Variants in NALF1 observed in about 807,000 individuals in gnomAD.
NALF1 encodes the protein family with sequence similarity 155 member A.
A neutral mutation model predicts 48.4 loss-of-function variants in NALF1; 3 were observed. That is an observed-to-expected ratio of 0.06 (90% CI 0.03 to 0.16). The LOEUF (loss-of-function observed/expected upper bound fraction) is 0.16, where lower values mean the gene tolerates loss of function less well. NALF1 is among the 10% of genes least tolerant of loss of function. The pLI, the probability that NALF1 is intolerant of heterozygous loss-of-function variation, is 1.00. For synonymous variants in NALF1, 262 were observed against 245.7 expected (o/e 1.07, Z -0.62); for missense variants, 526 against 571.5 (o/e 0.92, Z 0.81).
intron 1 of NALF1, among the ~76,000 whole-genome samples, chr13:107,553,213 T>C (rs888473432): frequency 1.3e-5 from 2 of 152,184 alleles, no homozygotes; most frequent in Non-Finnish European, 2.9e-5. Context: ...CATTGCTAAA[T>C]CTTTTCATAA....
At chr13:107,432,492 C>T (rs1884398626) in intron 1 of NALF1, among the ~76,000 whole-genome samples, 1 of 152,148 alleles carries the variant, frequency 6.6e-6, no homozygotes, top group Non-Finnish European at 1.5e-5. Context: ...AAAAAACTGT[C>T]AGAGTCTCCA....
intron 1 of NALF1, among the ~76,000 whole-genome samples, chr13:107,547,078 T>G (rs2139125174): frequency 6.6e-6 from 1 of 152,340 alleles, no homozygotes; most frequent in Admixed American, 6.5e-5. Flanking sequence ...AACATCTTTG[T>G]TCAATGCCTG....
chr13:107,737,150 G>C (rs1295555272), intron 1 of NALF1, among the ~76,000 whole-genome samples: 1 of 152,156 alleles, frequency 6.6e-6, no homozygotes, highest in Non-Finnish European at 1.5e-5. Context: ...AGCTGCATGA[G>C]TATAGGATAG....
At position 107,362,685 on chromosome 13, in the gene NALF1, T is replaced by TG. The variant is rs145875379; in HGVS notation, c.916-151931dup. Among the ~76,000 whole-genome samples the TG allele has an allele frequency of 0.043, 6,531 of 152,134 alleles. 440 individuals are homozygous for TG. Among genetic ancestry groups the TG allele is most frequent in the African/African-American group, 0.15 (6,198 of 41,462 alleles). ...GAGTTAGGACCTCAACATATTTTGC[T>TG]GGGGGGACACAATTCTACCACCGAC... On this transcript the variant is annotated intron_variant, in intron 1 of 2. Transcript: ENST00000375915. This position sits in a 1 kb window ranked among gnomAD's most constrained non-coding sequence, Gnocchi z 4.6.
intron 2 of NALF1, among the ~76,000 whole-genome samples, chr13:107,201,461 C>G (rs962276483): frequency 6.6e-6 from 1 of 152,114 alleles, no homozygotes; most frequent in Non-Finnish European, 1.5e-5. Context: ...CCTGTAGTCC[C>G]AGCTACTCGG....
intron 1 of NALF1, among the ~76,000 whole-genome samples, chr13:107,786,893 A>T (rs931346247): frequency 1.3e-5 from 2 of 152,320 alleles, no homozygotes; most frequent in Admixed American, 6.5e-5. Context: ...CACTTCTAGG[A>T]GCTGAGAGCG....
chr13:107,506,450 T>G (rs1875698007), intron 1 of NALF1, among the ~76,000 whole-genome samples: 1 of 152,136 alleles, frequency 6.6e-6, no homozygotes, highest in African/African-American at 2.4e-5. Flanking sequence ...AAGTGTACAA[T>G]TCAAAGGTTT....
intron 1 of NALF1, among the ~76,000 whole-genome samples, chr13:107,537,889 A>ATAC (rs1876881538): frequency 6.6e-6 from 1 of 152,060 alleles, no homozygotes; most frequent in Non-Finnish European, 1.5e-5. Context: ...ATGGTGGCAC[A>ATAC]TACCTGTAAT....
chr13:107,371,670 T>C (rs556690875), intron 1 of NALF1, among the ~76,000 whole-genome samples: 178 of 152,278 alleles, frequency 1.2e-3, no homozygotes, highest in Admixed American at 2.0e-3. Context: ...TCATTGAGGT[T>C]GCTATTTTAC....
At chr13:107,218,338 A>C (rs1879919193) in intron 1 of NALF1, among the ~76,000 whole-genome samples, 1 of 152,216 alleles carries the variant, frequency 6.6e-6, no homozygotes, top group Non-Finnish European at 1.5e-5. Flanking sequence ...AATGAAGGCC[A>C]AGCTTTGTGC....
At chr13:107,250,627 A>G (rs1057097273) in intron 1 of NALF1, among the ~76,000 whole-genome samples, 5 of 152,186 alleles carry the variant, frequency 3.3e-5, no homozygotes, top group Non-Finnish European at 7.3e-5. Flanking sequence ...TATATTCTTC[A>G]TCAGTTTCGG....
intron 1 of NALF1, among the ~76,000 whole-genome samples, chr13:107,440,577 G>A (rs1193760955): frequency 6.6e-6 from 1 of 152,156 alleles, no homozygotes; most frequent in Non-Finnish European, 1.5e-5. Flanking sequence ...TGTTCTCTGA[G>A]TGAGTAGTAG....
chr13:107,603,509 T>C (rs1878988294), intron 1 of NALF1, among the ~76,000 whole-genome samples: 1 of 152,226 alleles, frequency 6.6e-6, no homozygotes, highest in Admixed American at 6.5e-5. Context: ...ACAGGCTTAT[T>C]TTTAATATAC....
intron 1 of NALF1, among the ~76,000 whole-genome samples, chr13:107,691,865 T>G (rs953688602): frequency 1.1e-4 from 16 of 152,360 alleles, no homozygotes; most frequent in Middle Eastern, 3.4e-3. Flanking sequence ...GATGTATGTT[T>G]TCTTAAAAAC....
chr13:107,507,424 T>C (rs1392975102), intron 1 of NALF1, among the ~76,000 whole-genome samples: 1 of 151,870 alleles, frequency 6.6e-6, no homozygotes, highest in Non-Finnish European at 1.5e-5. Flanking sequence ...AGCTTTTTTT[T>C]GTTTGTTTTT....
intron 1 of NALF1, among the ~76,000 whole-genome samples, chr13:107,565,126 C>T (rs1251253889): frequency 3.9e-5 from 2 of 51,494 alleles, no homozygotes; most frequent in Non-Finnish European, 8.6e-5. Flanking sequence ...CAGACATAAA[C>T]AACCATTATA....
intron 1 of NALF1, among the ~76,000 whole-genome samples, chr13:107,617,476 T>A (rs1363959939): frequency 6.6e-6 from 1 of 152,188 alleles, no homozygotes; most frequent in Non-Finnish European, 1.5e-5. Flanking sequence ...TAAAGAAGCT[T>A]ATTGAAGATT....
chr13:107,751,184 C>A (rs1483407274), intron 1 of NALF1, among the ~76,000 whole-genome samples: 3 of 152,178 alleles, frequency 2.0e-5, no homozygotes, highest in African/African-American at 7.2e-5. Flanking sequence ...ACCTGCCTTA[C>A]CCTTTTTGGA....
intron 1 of NALF1, among the ~76,000 whole-genome samples, chr13:107,250,218 C>A (rs1880670798): frequency 6.6e-6 from 1 of 151,672 alleles, no homozygotes; most frequent in Admixed American, 6.6e-5. Flanking sequence ...TAGTTATACA[C>A]CAGAAACCAC....
Sources: gnomAD v4.1 joint callset for allele counts (sites outside exome capture counted in the v4.1 genomes callset) on GRCh38, gnomAD v4.1.1 for gene constraint, Gnocchi (gnomAD v3.1) non-coding constraint, MANE v1.5 for transcripts, NCBI Gene and HGNC (gene_info 2026-07-23, HGNC 2026-07-21) for gene names.